SYTL3: variants seen among roughly 807,000 people sequenced by gnomAD.
SYTL3 encodes synaptotagmin-like protein 3.
Under a neutral mutation model 82.1 loss-of-function variants are expected in SYTL3, and 88 were observed. The ratio of observed to expected loss-of-function variants is 1.07; its 90% CI spans 0.90 to 1.28. The LOEUF (loss-of-function observed/expected upper bound fraction) is 1.28, where lower values mean the gene tolerates loss of function less well. Ranked by LOEUF, SYTL3 falls within the 50% of genes most tolerant of loss-of-function variation. The pLI is 0.00. For missense variants in SYTL3, 831 were observed against 757.6 expected (o/e 1.10, Z -1.14); for synonymous variants, 311 against 289.4 (o/e 1.07, Z -0.76).
chr6:158,715,474 G>A (rs1392593942), intron 9 of SYTL3, among the ~76,000 whole-genome samples: 1 of 152,210 alleles, frequency 6.6e-6, no homozygotes, highest in East Asian at 1.9e-4. Flanking sequence ...TTGAGCACTT[G>A]AGGCTAACCA....
chr6:158,730,303 G>A (rs958590408), intron 11 of SYTL3, among the ~76,000 whole-genome samples: 2 of 152,224 alleles, frequency 1.3e-5, no homozygotes, highest in Non-Finnish European at 2.9e-5. Flanking sequence ...GATAAAAATT[G>A]CTTCCCTCCA....
At position 158,708,303 on chromosome 6, in the gene SYTL3, C is replaced by G; in HGVS notation, c.447-19C>G. 1 of 1,607,212 alleles carries G rather than the reference C, an allele frequency of 6.2e-7. No individual in the cohort carries two copies. On this transcript the variant is annotated intron_variant, in intron 7 of 17. Coordinates refer to ENST00000611299, the MANE Select transcript of SYTL3 (RefSeq NM_001242394.2). Reference sequence around the variant, plus strand: ...CATGGTTCACAACCCATTTCTTATGCCTGTGTTTTCCTTGGCAGCAAAATT... The same window carrying G: ...CATGGTTCACAACCCATTTCTTATGGCTGTGTTTTCCTTGGCAGCAAAATT...
At chr6:158,727,466 C>G (rs983639044) in intron 11 of SYTL3, among the ~76,000 whole-genome samples, 1 of 152,142 alleles carries the variant, frequency 6.6e-6, no homozygotes, top group Non-Finnish European at 1.5e-5. Flanking sequence ...CCACCGCACC[C>G]GGCCTAGAAC....
At chr6:158,746,552 G>C (rs866624696) in intron 12 of SYTL3, among the ~76,000 whole-genome samples, 2 of 150,756 alleles carry the variant, frequency 1.3e-5, no homozygotes, top group Admixed American at 1.3e-4. Flanking sequence ...TGCAACCTCC[G>C]CCTCCCGGGT....
At chr6:158,700,883 T>C (rs1277986051) in intron 6 of SYTL3, among the ~76,000 whole-genome samples, 5 of 152,234 alleles carry the variant, frequency 3.3e-5, no homozygotes, top group Non-Finnish European at 7.3e-5. Flanking sequence ...CCCAAGGTGC[T>C]GGGATTACAG....
chr6:158,656,615 C>T (rs1461016629), intron 2 of SYTL3, among the ~76,000 whole-genome samples: 2 of 152,046 alleles, frequency 1.3e-5, no homozygotes, highest in Admixed American at 1.3e-4. Flanking sequence ...GTCCCAGCTA[C>T]TCAGGAGGCT....
intron 14 of SYTL3, among the ~76,000 whole-genome samples, chr6:158,760,230 C>T (rs1191981661): frequency 6.6e-6 from 1 of 152,188 alleles, no homozygotes; most frequent in Non-Finnish European, 1.5e-5. Context: ...AGTGTCTGTG[C>T]CAGTCCTTGG....
chr6:158,747,876 A>C (rs3123090), intron 12 of SYTL3, among the ~76,000 whole-genome samples: 1 of 151,896 alleles, frequency 6.6e-6, no homozygotes, highest in Non-Finnish European at 1.5e-5. Flanking sequence ...AAAATTATTT[A>C]TTAGTTATAT....
At chr6:158,763,189 G>C (rs1047891544) in intron 16 of SYTL3, 115 bp from the exon 17 acceptor site, 5 of 944,406 alleles carry the variant, frequency 5.3e-6, no homozygotes, top group Non-Finnish European at 8.4e-6. Context: ...GGGAGGGTGT[G>C]GATGTTGTGG....
At position 158,663,675 on chromosome 6, in the gene SYTL3, A is replaced by G. The variant is rs1019948901; in HGVS notation, c.110+297A>G. ...TTGTCTGTTTGCCGACTTCGTGGGA[A>G]TCATTCAAGGGACATTTTCAGGCTT... On this transcript the variant is annotated intron_variant, in intron 4 of 17. Transcript: ENST00000611299. 6.9e-5 allele frequency: 63 copies of G among 907,904 alleles called. No individual in the cohort carries two copies. The Middle Eastern group carries it at 2.8e-3, about 40-fold the overall frequency. The allele number at this position is 907,904 out of a possible 1,614,324, so 56.2% of individuals were successfully genotyped here.
chr6:158,645,534 A>G (rs1787380213), upstream of SYTL3, among the ~76,000 whole-genome samples: 1 of 152,126 alleles, frequency 6.6e-6, no homozygotes, highest in Non-Finnish European at 1.5e-5. Flanking sequence ...CCCACTTCCC[A>G]TTCCCCAAGA....
At chr6:158,660,602 C>G (rs1789275645) in intron 2 of SYTL3, among the ~76,000 whole-genome samples, 1 of 152,196 alleles carries the variant, frequency 6.6e-6, no homozygotes, top group South Asian at 2.1e-4. Context: ...TCAGATTCCC[C>G]CACCAGATTC....
intron 6 of SYTL3, among the ~76,000 whole-genome samples, chr6:158,700,541 G>A (rs1781071906): frequency 6.6e-6 from 1 of 151,322 alleles, no homozygotes; most frequent in Non-Finnish European, 1.5e-5. Context: ...TACACATTTG[G>A]TTGTACAGCT....
intron 16 of SYTL3, among the ~76,000 whole-genome samples, chr6:158,762,628 G>C (rs966284878): frequency 9.2e-5 from 14 of 152,122 alleles, no homozygotes; most frequent in African/African-American, 3.4e-4. Context: ...GGTCAAGATA[G>C]AACTCAGGCT....
chr6:158,694,892 C>T (rs1356326237), intron 6 of SYTL3, among the ~76,000 whole-genome samples: 2 of 152,124 alleles, frequency 1.3e-5, no homozygotes, highest in African/African-American at 2.4e-5. Context: ...TGAATTGTCA[C>T]GACTACTCCA....
chr6:158,691,580 T>G (rs1779869768), intron 6 of SYTL3, among the ~76,000 whole-genome samples: 1 of 152,206 alleles, frequency 6.6e-6, no homozygotes, highest in Admixed American at 6.5e-5. Flanking sequence ...TTTTCTTTTT[T>G]TTAACAACCA....
At chr6:158,667,041 A>G (rs1790155638) in intron 5 of SYTL3, among the ~76,000 whole-genome samples, 1 of 152,214 alleles carries the variant, frequency 6.6e-6, no homozygotes, top group Non-Finnish European at 1.5e-5. Flanking sequence ...GCAATTCCAA[A>G]TCATCTCTAG....
chr6:158,728,866 AT>A (rs2128486266), intron 11 of SYTL3, among the ~76,000 whole-genome samples: 1 of 152,186 alleles, frequency 6.6e-6, no homozygotes, highest in East Asian at 1.9e-4. Flanking sequence ...TATTAAAAAA[AT>A]ATAAATAAAT....
intron 6 of SYTL3, among the ~76,000 whole-genome samples, chr6:158,706,015 A>G (rs866868202): frequency 6.6e-6 from 1 of 152,096 alleles, no homozygotes; most frequent in Non-Finnish European, 1.5e-5. Flanking sequence ...TGCAGGTGCT[A>G]GCTTTGGTCC....
Sources: allele counts gnomAD v4.1 joint callset (sites outside exome capture counted in the v4.1 genomes callset), GRCh38; gene constraint gnomAD v4.1.1; transcripts MANE v1.5; gene names NCBI Gene and HGNC (gene_info 2026-07-23, HGNC 2026-07-21).